The following PTPRS variants were observed in gnomAD, a reference collection of about 807,000 sequenced individuals.
The protein encoded by PTPRS is protein tyrosine phosphatase receptor type S.
A neutral mutation model predicts 215.3 loss-of-function variants in PTPRS; 63 were observed. The observed-to-expected ratio is 0.29, with a 90% CI of 0.24 to 0.36. The LOEUF (loss-of-function observed/expected upper bound fraction) is 0.36, where lower values mean the gene tolerates loss of function less well. Ranked by LOEUF, PTPRS falls within the 10% of genes least tolerant of loss-of-function variation. The pLI is 1.00. For synonymous variants in PTPRS, 1,404 were observed against 1,191.4 expected (o/e 1.18, Z -3.68); for missense variants, 2,258 against 2,825.8 (o/e 0.80, Z 4.56).
At position 5,236,441 on chromosome 19, in the gene PTPRS, G is replaced by A. The variant is rs369398311; in HGVS notation, c.1849+2478C>T. On this transcript the variant is annotated intron_variant, in intron 13 of 37. Transcript: ENST00000262963. ...CAGCCTTGTGCTGGTTGGGTATGGC[G>A]GAAGCCACTCTCCCAAGTGCCCACG... is the stretch of plus-strand genomic sequence containing the variant. 3.3e-5 allele frequency among the ~76,000 whole-genome samples: 5 copies of A among 152,310 alleles called. No individual in the cohort carries two copies. The South Asian group carries it at 6.2e-4, about 19-fold the overall frequency.
chr19:5,265,896 G>A (rs1278374313), intron 4 of PTPRS, among the ~76,000 whole-genome samples: 2 of 151,994 alleles, frequency 1.3e-5, no homozygotes, highest in African/African-American at 2.4e-5. Flanking sequence ...GTGCTGAGTG[G>A]GTTCATTTAC....
intron 1 of PTPRS, among the ~76,000 whole-genome samples, chr19:5,298,169 T>G (rs1164382746): frequency 6.6e-6 from 1 of 152,206 alleles, no homozygotes. Flanking sequence ...TAGCAGACCA[T>G]GTTCCAGTGT....
At chr19:5,324,905 G>A (rs960612292) in intron 1 of PTPRS, among the ~76,000 whole-genome samples, 2 of 152,022 alleles carry the variant, frequency 1.3e-5, no homozygotes, top group African/African-American at 4.8e-5. Context: ...GGCAAGAAGA[G>A]CCACATCCCC....
rs1233980330 is a variant in PTPRS at position 5,216,803 on chromosome 19, C to T, written c.4049-36G>A. ...CAAACAATAAATAAATGAAAACATG[C>T]AGGGGGTAGGGGGGGGTCCCACCTC... is the stretch of plus-strand genomic sequence containing the variant. On this transcript the variant is annotated intron_variant, in intron 25 of 37. Coordinates refer to ENST00000262963, the MANE Select transcript of PTPRS (RefSeq NM_002850.4). The T allele has an allele frequency of 2.0e-6, 3 of 1,465,530 alleles. No individual in the cohort carries two copies. The South Asian group carries it at 3.7e-5, about 18-fold the overall frequency. 90.8% of individuals were successfully genotyped at this position (1,465,530 alleles called of 1,614,324 possible). A position where few individuals can be genotyped will look rare whatever the true frequency, so the allele number is the denominator to read the frequency against.
intron 7 of PTPRS, among the ~76,000 whole-genome samples, chr19:5,259,187 A>G (rs1463838181): frequency 2.6e-5 from 4 of 152,230 alleles, no homozygotes; most frequent in Non-Finnish European, 4.4e-5. Flanking sequence ...TTTTTCAAGC[A>G]TATTTAAAAC....
chr19:5,271,557 G>A (rs2046912233), intron 4 of PTPRS, among the ~76,000 whole-genome samples: 1 of 149,632 alleles, frequency 6.7e-6, no homozygotes, highest in South Asian at 2.1e-4. Context: ...CCACCATCAC[G>A]TTCAGCTAAT....
rs757995219 is a variant in PTPRS, at chr19:5,274,187, AC to A, written c.237+11del. ...CATTGACCCCAGGCTGCCTCCCCCT[AC>A]CCCAACTCACCTCAAAGCGCTGAGA... is the stretch of plus-strand genomic sequence containing the variant. On this transcript the variant is annotated intron_variant, in intron 3 of 37. Transcript: ENST00000262963. The A allele has an allele frequency of 1.1e-5, 17 of 1,604,904 alleles. 1 individual carries two copies. In the South Asian group the frequency reaches 1.4e-4, roughly 14 times the overall value.
chr19:5,222,290 G>T lies in PTPRS; in HGVS notation c.3104-70C>A, dbSNP rs546159015. 4.6e-6 allele frequency: 6 copies of T among 1,317,910 alleles called. No homozygotes were observed. The East Asian group carries it at 1.4e-4, about 30-fold the overall frequency. The allele number at this position is 1,317,910 out of a possible 1,614,324, so 81.6% of individuals were successfully genotyped here. On this transcript the variant is annotated intron_variant, in intron 18 of 37. Coordinates refer to ENST00000262963, the MANE Select transcript of PTPRS (RefSeq NM_002850.4). ...CCATGAGTGCCTGGCACTGGGTGGC[G>T]TGAAGCGGGGTGGGGTGGGGCGGCC...
Position 5,286,036 on chromosome 19 carries a change from T to G in PTPRS, c.91+14A>C, listed in dbSNP as rs375676873. The stretch of plus-strand genomic sequence containing the variant: ...AACACGCAGACCCCTGCACATCCCG[T>G]GCCGGCTTCTTACCTTCTGCTGCAC... On this transcript the variant is annotated intron_variant, in intron 2 of 37. Transcript: ENST00000262963. 6 of 1,610,482 alleles carry G rather than the reference T, an allele frequency of 3.7e-6. No individual in the cohort carries two copies. The highest frequency in any genetic ancestry group is 1.3e-5 in the African/African-American group (1 of 74,964).
intron 13 of PTPRS, among the ~76,000 whole-genome samples, chr19:5,238,501 G>C (rs35135733): frequency 0.036 from 5,552 of 152,250 alleles, 155 homozygotes; most frequent in Non-Finnish European, 0.057. Flanking sequence ...GAGAATGATG[G>C]GGTGCGAGCC....
chr19:5,311,211 T>C (rs929544015), intron 1 of PTPRS, among the ~76,000 whole-genome samples: 2 of 152,152 alleles, frequency 1.3e-5, no homozygotes, highest in Non-Finnish European at 2.9e-5. Context: ...GATTTCACCA[T>C]GTTGGCCAGG....
At chr19:5,262,768 C>T (rs1009522473) in intron 6 of PTPRS, among the ~76,000 whole-genome samples, 196 bp downstream of exon 6, 5 of 151,994 alleles carry the variant, frequency 3.3e-5, no homozygotes, top group African/African-American at 7.3e-5. Flanking sequence ...CTTTCTCTGC[C>T]GCACACTAGT....
chr19:5,211,652 C>T lies in PTPRS; in HGVS notation c.5172G>A (p.Leu1724=), dbSNP rs2040901568. 5.6e-6 allele frequency: 9 copies of T among 1,613,992 alleles called. No individual in the cohort carries two copies. The highest frequency in any genetic ancestry group is 5.9e-6 in the Non-Finnish European group (7 of 1,180,014). Residue 1724 remains leucine (L), a synonymous_variant, in exon 33 of 38, where the codon CTG becomes CTA. Coordinates refer to ENST00000262963, the MANE Select transcript of PTPRS (RefSeq NM_002850.4). ...AGCCCTCCACACCCCGGATGGGTTG[C>T]AGACAGACCCGTGTGCTCTCATAGG... ...IMPYESTRVC[L]QPIRGVEGSD...
Position 5,294,858 on chromosome 19 carries a change from AG to A in PTPRS, c.-94-8625del, listed in dbSNP as rs2049083299. Among the ~76,000 whole-genome samples the A allele has an allele frequency of 6.6e-6, 1 of 152,204 alleles. No individual in the cohort carries two copies. The highest frequency in any genetic ancestry group is 1.5e-5 in the Non-Finnish European group (1 of 68,046). On this transcript the variant is annotated intron_variant, in intron 1 of 37. Transcript: ENST00000262963. The surrounding 1 kb of genome is among the most constrained non-coding windows in gnomAD (Gnocchi z 5.1). ...GCCCCTTTGACACAGAGCACACAGG[AG>A]GTGCTAAACACAGGATGCCGTGACG...
At chr19:5,241,206 A>C (rs1410952589) in intron 11 of PTPRS, among the ~76,000 whole-genome samples, 1 of 151,054 alleles carries the variant, frequency 6.6e-6, no homozygotes, top group Non-Finnish European at 1.5e-5. Context: ...CTCCCTTTCA[A>C]ATCACCCCAG....
At chr19:5,247,698 G>T (rs1254858425) in intron 9 of PTPRS, among the ~76,000 whole-genome samples, 4 of 152,000 alleles carry the variant, frequency 2.6e-5, no homozygotes, top group Admixed American at 2.6e-4. Context: ...TGGTCTCAGG[G>T]GGTCTGGTCT....
chr19:5,262,665 C>G (rs1052615666), intron 6 of PTPRS, among the ~76,000 whole-genome samples: 2 of 152,246 alleles, frequency 1.3e-5, no homozygotes, highest in Admixed American at 6.5e-5. Context: ...TCTGAACCCC[C>G]CTCAGCCTGC....
intron 11 of PTPRS, among the ~76,000 whole-genome samples, chr19:5,240,866 T>TA (rs974559246): frequency 2.2e-4 from 31 of 139,638 alleles, no homozygotes; most frequent in African/African-American, 8.0e-4. Context: ...TAAATAAAAA[T>TA]AAAAAAAATA....
chr19:5,298,933 G>A (rs2049222966), intron 1 of PTPRS, among the ~76,000 whole-genome samples: 1 of 152,072 alleles, frequency 6.6e-6, no homozygotes, highest in Non-Finnish European at 1.5e-5. Context: ...CACCCCATAT[G>A]GTGTTGGTCT....
Sources: gnomAD v4.1 joint callset for allele counts (sites outside exome capture counted in the v4.1 genomes callset) on GRCh38, gnomAD v4.1.1 for gene constraint, Gnocchi (gnomAD v3.1) non-coding constraint, MANE v1.5 for transcripts, NCBI Gene and HGNC (gene_info 2026-07-23, HGNC 2026-07-21) for gene names.